PSG3: variants seen among roughly 807,000 people sequenced by gnomAD.
PSG3 encodes the protein pregnancy specific beta-1-glycoprotein 3.
In PSG3, 61 loss-of-function variants were observed where a neutral mutation model predicts 47.5. The ratio of observed to expected loss-of-function variants is 1.28; its 90% CI spans 1.05 to 1.59. The LOEUF (loss-of-function observed/expected upper bound fraction) is 1.59, where lower values mean the gene tolerates loss of function less well. Among genes scored for constraint, PSG3 ranks in the 40% most tolerant of loss-of-function variants. The pLI is 0.00. For synonymous variants in PSG3, 263 were observed against 198.4 expected (o/e 1.33, Z -2.74); for missense variants, 756 against 524.0 (o/e 1.44, Z -4.32).
At chr19:42,732,486 T>A (rs1969488223) in intron 3 of PSG3, 1 of 633,944 alleles carries the variant, frequency 1.6e-6, no homozygotes, top group Admixed American at 3.1e-5. Context: ...GTTGCAACAC[T>A]GAAGTCCCAG....
At chr19:42,724,604 A>G (rs962757460) in intron 5 of PSG3, among the ~76,000 whole-genome samples, 7 of 152,100 alleles carry the variant, frequency 4.6e-5, no homozygotes, top group African/African-American at 1.7e-4. Context: ...TTGAATTGGT[A>G]CCTAAAACTT....
At chr19:42,736,429 AT>A (rs1394105904) in intron 2 of PSG3, among the ~76,000 whole-genome samples, 4 of 152,102 alleles carry the variant, frequency 2.6e-5, no homozygotes, top group African/African-American at 2.4e-5. Context: ...CGCCCGCATG[AT>A]TCCATCACCA....
At chr19:42,735,955 C>T (rs1211941948) in intron 2 of PSG3, among the ~76,000 whole-genome samples, 6 of 152,192 alleles carry the variant, frequency 3.9e-5, no homozygotes, top group Non-Finnish European at 7.3e-5. Context: ...CTGAGTCCAT[C>T]TGGTATCTAG....
At chr19:42,734,394 T>G (rs1054640854) in intron 2 of PSG3, among the ~76,000 whole-genome samples, 3 of 152,224 alleles carry the variant, frequency 2.0e-5, no homozygotes, top group African/African-American at 7.2e-5. Flanking sequence ...GGTTGAGTTT[T>G]GGAGCATTTC....
rs1021960521 is a variant in PSG3 at position 42,738,665 on chromosome 19, T to G, written c.430+59A>C. 1.4e-5 allele frequency: 23 copies of G among 1,612,106 alleles called. No individual in the cohort carries two copies. The East Asian group carries it at 2.0e-4, about 14-fold the overall frequency. The stretch of plus-strand genomic sequence containing the variant: ...GGCACAATCCAGGCCTGACAATCCT[T>G]TGTGTGTGAAGTAAAGACCCCATCC... On this transcript the variant is annotated intron_variant, in intron 2 of 6. Transcript: ENST00000327495.
intron 1 of PSG3, 71 bp from the exon 2 acceptor site, chr19:42,739,160 C>G (rs1397858039): frequency 6.6e-7 from 1 of 1,508,702 alleles, no homozygotes; most frequent in Non-Finnish European, 9.0e-7. Flanking sequence ...GGCCCTGGGT[C>G]CTGAGAAGGT....
chr19:42,729,210 T>C lies in PSG3; in HGVS notation c.1156A>G (p.Thr386Ala), dbSNP rs754920190. The change falls in exon 5 of 7, where the codon ACA (threonine) becomes GCA (alanine). Residue 386 changes from threonine to alanine, a missense_variant. Thr to Ala is a moderately conservative substitution (Grantham distance 58). Coordinates refer to ENST00000327495, the MANE Select transcript of PSG3 (RefSeq NM_021016.4). ...GQKLFIPQITTKHSGLYACSV... is the reference protein window; with the variant it reads ...GQKLFIPQITAKHSGLYACSV... ...CAAGCATAGAGCCCGCTATGCTTTG[T>C]AGTAATCTGGGGGATAAAGAGCTTT... 2.5e-6 allele frequency: 4 copies of C among 1,614,014 alleles called. No homozygotes were observed. The highest frequency in any genetic ancestry group is 1.1e-5 in the South Asian group (1 of 91,076).
chr19:42,731,316 C>G (rs1274173350), intron 3 of PSG3, among the ~76,000 whole-genome samples: 1 of 152,192 alleles, frequency 6.6e-6, no homozygotes, highest in Non-Finnish European at 1.5e-5. Flanking sequence ...CATCCCAAAT[C>G]TGAAAGACTC....
At chr19:42,730,512 T>C (rs1052098654) in intron 3 of PSG3, among the ~76,000 whole-genome samples, 2 of 152,206 alleles carry the variant, frequency 1.3e-5, no homozygotes, top group African/African-American at 4.8e-5. Context: ...TAATGGGACT[T>C]CCCATGGCCC....
rs748271165 is a variant in PSG3 at position 42,738,698 on chromosome 19, C to T, written c.430+26G>A. ...GAAGTAAAGACCCCATCCCCCAACA[C>T]CCAGTGATCACGTGGAGTCACTCAC... On this transcript the variant is annotated intron_variant, in intron 2 of 6. Coordinates refer to ENST00000327495, the MANE Select transcript of PSG3 (RefSeq NM_021016.4). 27 of 1,612,650 alleles carry T rather than the reference C, an allele frequency of 1.7e-5. 1 individual carries two copies. Among genetic ancestry groups the T allele is most frequent in the African/African-American group, 1.3e-4 (10 of 74,914 alleles).
intron 5 of PSG3, among the ~76,000 whole-genome samples, chr19:42,728,089 A>T (rs1278484302): frequency 6.6e-6 from 1 of 152,192 alleles, no homozygotes; most frequent in Non-Finnish European, 1.5e-5. Flanking sequence ...AGAGACAGAA[A>T]GTAGAATGGT....
intron 5 of PSG3, among the ~76,000 whole-genome samples, chr19:42,726,301 AG>A (rs1969377047): frequency 6.6e-6 from 1 of 151,488 alleles, no homozygotes. Flanking sequence ...CAGAAAAATT[AG>A]GCAAGAATTT....
At chr19:42,724,671 G>A (rs181679058) in intron 5 of PSG3, among the ~76,000 whole-genome samples, 47 of 151,622 alleles carry the variant, frequency 3.1e-4, no homozygotes, top group Non-Finnish European at 5.2e-4. Flanking sequence ...GGGTTCTCCC[G>A]TACTACCTTC....
chr19:42,729,648 T>A, intron 4 of PSG3, 130 bp downstream of exon 4: 1 of 1,540,728 alleles, frequency 6.5e-7, no homozygotes, highest in Non-Finnish European at 8.7e-7. Flanking sequence ...GGGCAGGAAG[T>A]TATGGCCAGC....
chr19:42,738,516 G>A (rs1969604405), intron 2 of PSG3, among the ~76,000 whole-genome samples: 1 of 152,184 alleles, frequency 6.6e-6, no homozygotes, highest in Admixed American at 6.5e-5. Context: ...TTCCTCTGCA[G>A]CGAGTGTCTG....
intron 3 of PSG3, among the ~76,000 whole-genome samples, chr19:42,730,312 C>T (rs545728093): frequency 2.6e-5 from 4 of 152,154 alleles, no homozygotes; most frequent in Non-Finnish European, 4.4e-5. Context: ...TGGACAGACA[C>T]GTCAATGGGA....
Position 42,722,497 on chromosome 19 carries a change from G to A in PSG3, c.*41-407C>T, listed in dbSNP as rs562446715. Among the ~76,000 whole-genome samples the A allele has an allele frequency of 1.6e-4, 25 of 152,190 alleles. No homozygotes were observed. In the East Asian group the frequency reaches 2.9e-3, roughly 18 times the overall value. On this transcript the variant is annotated intron_variant, in intron 6 of 6. Transcript: ENST00000327495. The stretch of plus-strand genomic sequence containing the variant: ...TCTCGATCTCCTGACCTTGTGATCC[G>A]CCCACCTCGGCCTCCCAAAGTGCTG...
chr19:42,732,539 C>T, intron 3 of PSG3: 1 of 923,226 alleles, frequency 1.1e-6, no homozygotes, highest in Non-Finnish European at 1.6e-6. Flanking sequence ...CTGAGACAGT[C>T]ACCTGTTTTG....
At chr19:42,730,931 T>C (rs1158067478) in intron 3 of PSG3, among the ~76,000 whole-genome samples, 1 of 152,262 alleles carries the variant, frequency 6.6e-6, no homozygotes, top group African/African-American at 2.4e-5. Context: ...CTGGTCCTCA[T>C]GGACCATATG....
Sources: allele counts gnomAD v4.1 joint callset (sites outside exome capture counted in the v4.1 genomes callset), GRCh38; gene constraint gnomAD v4.1.1; transcripts MANE v1.5; gene names NCBI Gene and HGNC (gene_info 2026-07-23, HGNC 2026-07-21).